HECW1: variants seen among roughly 807,000 people sequenced by gnomAD.
HECW1 encodes E3 ubiquitin-protein ligase HECW1.
In HECW1, 61 loss-of-function variants were observed where a neutral mutation model predicts 182.3. That is an observed-to-expected ratio of 0.33 (90% CI 0.27 to 0.41). The LOEUF is 0.41. HECW1 is among the 10% of genes least tolerant of loss of function. HECW1 has a pLI of 1.00. For missense variants in HECW1, 1,739 were observed against 2,108.9 expected, an observed-to-expected ratio of 0.82 and a Z score of 3.44; for synonymous variants, 859 against 832.6, an observed-to-expected ratio of 1.03 and a Z score of -0.55.
chr7:43,341,817 C>T (rs903027703), intron 5 of HECW1, among the ~76,000 whole-genome samples: 6 of 151,720 alleles, frequency 4.0e-5, no homozygotes, highest in Non-Finnish European at 7.4e-5. Context: ...AAAATTTTGA[C>T]TGTCAATATG....
At chr7:43,210,541 G>A (rs1354373292) in intron 2 of HECW1, among the ~76,000 whole-genome samples, 1 of 151,866 alleles carries the variant, frequency 6.6e-6, no homozygotes, top group Non-Finnish European at 1.5e-5. Flanking sequence ...CTTCCAAGAT[G>A]GCTGCAAGCC....
intron 3 of HECW1, chr7:43,248,729 T>C (rs1220428929): frequency 3.0e-5 from 3 of 100,642 alleles, no homozygotes; most frequent in Middle Eastern, 8.6e-3. Context: ...CCTCCTCCTT[T>C]TCCTCCTCCT....
At chr7:43,186,333 G>A (rs960609348) in intron 2 of HECW1, among the ~76,000 whole-genome samples, 1 of 152,162 alleles carries the variant, frequency 6.6e-6, no homozygotes, top group Non-Finnish European at 1.5e-5. Flanking sequence ...CAATGTTTCA[G>A]TGAAAGATGA....
At chr7:43,372,607 T>G (rs1008779906) in intron 6 of HECW1, among the ~76,000 whole-genome samples, 10 of 152,274 alleles carry the variant, frequency 6.6e-5, no homozygotes, top group South Asian at 6.2e-4. Context: ...ATCAAAATAG[T>G]GGGATTGTGG....
At chr7:43,271,819 T>C (rs1023061447) in intron 3 of HECW1, among the ~76,000 whole-genome samples, 14 of 152,108 alleles carry the variant, frequency 9.2e-5, no homozygotes, top group African/African-American at 3.1e-4. Context: ...AAACTATCAG[T>C]GTCATTTTTT....
intron 3 of HECW1, among the ~76,000 whole-genome samples, chr7:43,311,276 A>C (rs1189530838): frequency 6.6e-6 from 1 of 152,218 alleles, no homozygotes; most frequent in Non-Finnish European, 1.5e-5. Context: ...TGCCTCACCC[A>C]GCAGGGACCA....
chr7:43,299,538 T>TA lies in HECW1; in HGVS notation c.28-12215dup, dbSNP rs897127785. Among the ~76,000 whole-genome samples, 19 of 149,936 alleles carry TA rather than the reference T, an allele frequency of 1.3e-4. No individual in the cohort carries two copies. The East Asian group carries it at 2.7e-3, about 22-fold the overall frequency. ...GTCCTGCATAATTGAGAAAAAGACT[T>TA]AAAAAAAAAAGTTTCCAAACTGCCT... On this transcript the variant is annotated intron_variant, in intron 3 of 29. Transcript: ENST00000395891.
intron 24 of HECW1, among the ~76,000 whole-genome samples, chr7:43,537,319 A>C (rs1414433366): frequency 6.6e-6 from 1 of 152,234 alleles, no homozygotes; most frequent in Admixed American, 6.5e-5. Context: ...CTTAGCTCGA[A>C]ACCTCAGCAT....
intron 6 of HECW1, among the ~76,000 whole-genome samples, chr7:43,377,570 G>A (rs571683575): frequency 1.2e-4 from 18 of 152,210 alleles, no homozygotes; most frequent in South Asian, 6.2e-4. Flanking sequence ...GGTTTTCTCC[G>A]GTGGGCTGTT....
rs1329673510 is a variant in HECW1 at position 43,308,079 on chromosome 7, T to C, written c.28-3684T>C. Among the ~76,000 whole-genome samples, 82 of 108,510 alleles carry C rather than the reference T, an allele frequency of 7.6e-4. 1 individual carries two copies. The highest frequency in any genetic ancestry group is 3.0e-3 in the African/African-American group (76 of 25,706). 71.2% of individuals were successfully genotyped at this position (108,510 alleles called of 152,430 possible). On this transcript the variant is annotated intron_variant, in intron 3 of 29. Transcript: ENST00000395891. ...TACAACATATAATATATAAATATAATATATTATATATTATATATGTTATAT... is the reference window on the plus strand; with the variant it reads ...TACAACATATAATATATAAATATAACATATTATATATTATATATGTTATAT...
At chr7:43,477,395 A>G (rs2078258469) in intron 16 of HECW1, among the ~76,000 whole-genome samples, 1 of 152,194 alleles carries the variant, frequency 6.6e-6, no homozygotes, top group African/African-American at 2.4e-5. Context: ...TAAACATCTC[A>G]GCATGTATTT....
intron 2 of HECW1, among the ~76,000 whole-genome samples, chr7:43,208,664 T>C (rs1795714108): frequency 1.3e-5 from 2 of 152,250 alleles, no homozygotes; most frequent in South Asian, 2.1e-4. Context: ...CAGTGTGAGT[T>C]CTGGCTTCAT....
intron 2 of HECW1, among the ~76,000 whole-genome samples, chr7:43,206,520 A>G (rs187594515): frequency 1.9e-4 from 29 of 152,246 alleles, no homozygotes; most frequent in Admixed American, 1.6e-3. Context: ...TTCTACTTCA[A>G]TTCTTTAGTG....
chr7:43,438,288 T>C, intron 9 of HECW1, 143 bp downstream of exon 9: 2 of 665,400 alleles, frequency 3.0e-6, no homozygotes. Flanking sequence ...CTACTAATTA[T>C]GTTGCCTGAG....
At chr7:43,121,511 G>A (rs527772758) in intron 2 of HECW1, among the ~76,000 whole-genome samples, 3 of 152,106 alleles carry the variant, frequency 2.0e-5, no homozygotes, top group South Asian at 2.1e-4. Context: ...GTGCTTTTCC[G>A]TAGTTGTGTA....
intron 8 of HECW1, among the ~76,000 whole-genome samples, chr7:43,408,967 G>T (rs1036163631): frequency 2.0e-5 from 3 of 152,130 alleles, no homozygotes; most frequent in Non-Finnish European, 4.4e-5. Flanking sequence ...TGATGGAAAC[G>T]TGCTCCCACC....
chr7:43,146,726 T>A (rs1788755698), intron 2 of HECW1, among the ~76,000 whole-genome samples: 1 of 152,224 alleles, frequency 6.6e-6, no homozygotes, highest in Non-Finnish European at 1.5e-5. Context: ...ACAAGGCTTC[T>A]TTGGGGATGC....
intron 3 of HECW1, among the ~76,000 whole-genome samples, chr7:43,276,040 A>C (rs111836436): frequency 2.8e-4 from 42 of 152,218 alleles, no homozygotes; most frequent in Non-Finnish European, 3.8e-4. Context: ...TAAAGAATCA[A>C]TTGTGCAGAA....
At chr7:43,153,651 C>T (rs1458895405) in intron 2 of HECW1, among the ~76,000 whole-genome samples, 1 of 152,128 alleles carries the variant, frequency 6.6e-6, no homozygotes, top group Admixed American at 6.5e-5. Flanking sequence ...CAGCCTGCCT[C>T]TCCAAGAGCT....
Sources: allele counts gnomAD v4.1 joint callset (sites outside exome capture counted in the v4.1 genomes callset), GRCh38; gene constraint gnomAD v4.1.1; transcripts MANE v1.5; gene names NCBI Gene and HGNC (gene_info 2026-07-23, HGNC 2026-07-21).